Variants in TAFA2 observed in about 807,000 individuals in gnomAD.
The protein encoded by TAFA2 is TAFA chemokine like family member 2, also known as chemokine-like protein TAFA-2.
A neutral mutation model predicts 18.8 loss-of-function variants in TAFA2; 7 were observed. The observed-to-expected ratio is 0.37, with a 90% CI of 0.21 to 0.70. The LOEUF (loss-of-function observed/expected upper bound fraction) is 0.70, where lower values mean the gene tolerates loss of function less well. TAFA2 is among the 30% of genes least tolerant of loss of function. TAFA2 has a pLI of 0.53. For synonymous variants in TAFA2, 60 were observed against 54.2 expected (o/e 1.11, Z -0.47); for missense variants, 122 against 158.1 (o/e 0.77, Z 1.23).
At chr12:62,238,561 A>G (rs1236454308) in intron 1 of TAFA2, among the ~76,000 whole-genome samples, 1 of 152,246 alleles carries the variant, frequency 6.6e-6, no homozygotes, top group East Asian at 1.9e-4. Context: ...TTGGAGAGAT[A>G]AGTAACTTGC....
At chr12:62,181,074 T>C (rs956316229) in intron 1 of TAFA2, among the ~76,000 whole-genome samples, 9 of 152,226 alleles carry the variant, frequency 5.9e-5, no homozygotes, top group Non-Finnish European at 1.3e-4. Flanking sequence ...ATGCTTACTT[T>C]ATTTTTGTCC....
At chr12:61,969,303 A>G (rs1480534002) in intron 1 of TAFA2, among the ~76,000 whole-genome samples, 2 of 151,694 alleles carry the variant, frequency 1.3e-5, no homozygotes, top group Non-Finnish European at 3.0e-5. Flanking sequence ...TTCTCTTCCT[A>G]TCCTTGAAGA....
chr12:61,841,842 A>G (rs1873197006), intron 2 of TAFA2, among the ~76,000 whole-genome samples: 1 of 152,126 alleles, frequency 6.6e-6, no homozygotes, highest in South Asian at 2.1e-4. Flanking sequence ...ATCACATTGT[A>G]TCACATAAAT....
At chr12:61,756,145 G>A (rs1418757405) in intron 2 of TAFA2, among the ~76,000 whole-genome samples, 3 of 151,956 alleles carry the variant, frequency 2.0e-5, no homozygotes, top group African/African-American at 7.2e-5. Flanking sequence ...TAAGTAGTTC[G>A]CTCAGATTTT....
At chr12:62,059,051 C>T (rs1445242900) in intron 1 of TAFA2, among the ~76,000 whole-genome samples, 4 of 151,690 alleles carry the variant, frequency 2.6e-5, no homozygotes, top group Admixed American at 2.6e-4. Context: ...TGCAGTGAGC[C>T]GAGATCACGG....
At chr12:61,871,832 C>T (rs1329113100) in intron 1 of TAFA2, among the ~76,000 whole-genome samples, 1 of 152,276 alleles carries the variant, frequency 6.6e-6, no homozygotes, top group Middle Eastern at 3.4e-3. Flanking sequence ...GTTGTTCATG[C>T]CTGTAATCCC....
intron 1 of TAFA2, among the ~76,000 whole-genome samples, chr12:62,227,628 A>G (rs923604197): frequency 1.3e-5 from 2 of 152,146 alleles, no homozygotes; most frequent in East Asian, 1.9e-4. Context: ...TTAGCTTGAT[A>G]TAATAACATT....
rs546214264 is a variant in TAFA2 at position 62,025,082 on chromosome 12, C to T, written c.-1-157656G>A. On this transcript the variant is annotated intron_variant, in intron 1 of 4. Coordinates refer to ENST00000416284, the MANE Select transcript of TAFA2 (RefSeq NM_178539.5). ...ACTTAAAACACAACTACTATTCAAC[C>T]CAGCAATCCTAATTCTCTGTATATT... 3.3e-5 allele frequency among the ~76,000 whole-genome samples: 5 copies of T among 152,186 alleles called. No individual in the cohort carries two copies. The South Asian group carries it at 1.0e-3, about 32-fold the overall frequency.
At chr12:61,745,244 T>G (rs1868646745) in intron 4 of TAFA2, among the ~76,000 whole-genome samples, 1 of 152,108 alleles carries the variant, frequency 6.6e-6, no homozygotes, top group African/African-American at 2.4e-5. Flanking sequence ...TCTCTCCATC[T>G]CACATAATGG....
intron 1 of TAFA2, chr12:62,258,712 T>C (rs1779101977): frequency 6.0e-6 from 2 of 330,684 alleles, no homozygotes; most frequent in Middle Eastern, 7.7e-4. Flanking sequence ...TATGATTCAA[T>C]TAAAGGGCAA....
chr12:61,893,703 T>C (rs1875727143), intron 1 of TAFA2, among the ~76,000 whole-genome samples: 1 of 152,186 alleles, frequency 6.6e-6, no homozygotes, highest in African/African-American at 2.4e-5. Flanking sequence ...ATAAAAATAT[T>C]CCACTTATAA....
chr12:62,229,224 C>A (rs1427426482), intron 1 of TAFA2, among the ~76,000 whole-genome samples: 1 of 151,990 alleles, frequency 6.6e-6, no homozygotes, highest in Non-Finnish European at 1.5e-5. Flanking sequence ...CCTAATTGCT[C>A]CCGTTAGGAC....
At chr12:62,223,150 A>C (rs972707923) in intron 1 of TAFA2, among the ~76,000 whole-genome samples, 1 of 152,190 alleles carries the variant, frequency 6.6e-6, no homozygotes, top group Non-Finnish European at 1.5e-5. Flanking sequence ...AGTTTGATAC[A>C]TAAAAAAGTA....
intron 4 of TAFA2, among the ~76,000 whole-genome samples, chr12:61,730,971 G>T (rs531723870): frequency 2.0e-5 from 3 of 152,048 alleles, no homozygotes; most frequent in East Asian, 3.9e-4. Context: ...GCACTCAGTT[G>T]AAATTATTAC....
chr12:61,830,547 G>A (rs1393374305), intron 2 of TAFA2, among the ~76,000 whole-genome samples: 1 of 151,790 alleles, frequency 6.6e-6, no homozygotes, highest in African/African-American at 2.4e-5. Context: ...TAAATAACGT[G>A]TACACATGGG....
At chr12:61,818,801 T>C (rs1872200819) in intron 2 of TAFA2, among the ~76,000 whole-genome samples, 1 of 152,230 alleles carries the variant, frequency 6.6e-6, no homozygotes. Flanking sequence ...ATAATTTTGT[T>C]GTATGTCAAC....
At chr12:62,107,507 G>A (rs1436303501) in intron 1 of TAFA2, among the ~76,000 whole-genome samples, 12 of 152,058 alleles carry the variant, frequency 7.9e-5, no homozygotes. Context: ...TTAGCCTAGG[G>A]ACCTCAAAAG....
chr12:61,729,531 A>AT (rs1870339403), intron 4 of TAFA2, among the ~76,000 whole-genome samples: 1 of 151,630 alleles, frequency 6.6e-6, no homozygotes, highest in South Asian at 2.1e-4. Flanking sequence ...TTTCCAGTGT[A>AT]TTTTGCATTT....
At chr12:61,793,753 G>A (rs1222881978) in intron 2 of TAFA2, among the ~76,000 whole-genome samples, 2 of 151,868 alleles carry the variant, frequency 1.3e-5, no homozygotes, top group East Asian at 3.9e-4. Context: ...TGTGAAGCTA[G>A]CGTTATCCTG....
Sources: allele counts gnomAD v4.1 joint callset (sites outside exome capture counted in the v4.1 genomes callset), GRCh38; gene constraint gnomAD v4.1.1; transcripts MANE v1.5; gene names NCBI Gene and HGNC (gene_info 2026-07-23, HGNC 2026-07-21).